Variants in ACADVL observed in about 807,000 individuals in gnomAD.
The protein encoded by ACADVL is very long-chain acyl-CoA dehydrogenase, mitochondrial.
In ACADVL, 73 loss-of-function variants were observed where a neutral mutation model predicts 80.4. That is an observed-to-expected ratio of 0.91 (90% CI 0.75 to 1.10). The LOEUF is 1.10. Among genes scored for constraint, ACADVL ranks in the 50% least tolerant of loss-of-function variants. ACADVL has a pLI of 0.00. For missense variants in ACADVL, 878 were observed against 858.9 expected (o/e 1.02, Z -0.28); for synonymous variants, 392 against 326.5 (o/e 1.20, Z -2.16).
intron 11 of ACADVL, 95 bp downstream of exon 11, chr17:7,223,332 C>A: frequency 8.4e-7 from 1 of 1,189,198 alleles, no homozygotes; most frequent in Non-Finnish European, 1.3e-6. Flanking sequence ...GGCAGTGGGT[C>A]TCCAGCTTTA....
chr17:7,223,385 C>A (rs757362446), intron 11 of ACADVL, 148 bp downstream of exon 11: 39 of 874,084 alleles, frequency 4.5e-5, no homozygotes, highest in Non-Finnish European at 7.5e-5. Context: ...GTCAGCTCAG[C>A]TTCTGCGAAG....
At position 7,222,822 on chromosome 17, in the gene ACADVL, C is replaced by T; in HGVS notation, c.1034C>T (p.Ala345Val). 6.2e-7 allele frequency: 1 copy of T among 1,613,476 alleles called. No homozygotes were observed. The highest frequency in any genetic ancestry group is 8.5e-7 in the Non-Finnish European group (1 of 1,180,002). Residue 345 changes from alanine to valine, a missense_variant, in exon 10 of 20, where the codon GCT becomes GTT. Transcript: ENST00000356839. ...HILNNGRFGM[A>V]AALAGTMRGI... ...CTCAACAATGGAAGGTTTGGCATGG[C>T]TGCGGCCCTGGCAGGTACCATGAGA...
chr17:7,222,456 A>G (rs570101256), intron 9 of ACADVL, 154 bp downstream of exon 9: 13 of 1,307,094 alleles, frequency 9.9e-6, no homozygotes, highest in Middle Eastern at 5.3e-4. Context: ...CAACTGAGCT[A>G]AAGTTTTGGC....
At chr17:7,222,140 C>T (rs1567564307) in intron 8 of ACADVL, 37 bp from the exon 9 acceptor site, 1 of 1,614,178 alleles carries the variant, frequency 6.2e-7, no homozygotes, top group East Asian at 2.2e-5. Context: ...CCACTGCTCC[C>T]CGTCCTCCAC....
At chr17:7,220,250 C>T in intron 2 of ACADVL, 53 bp downstream of exon 2, 3 of 1,508,830 alleles carry the variant, frequency 2.0e-6, no homozygotes, top group Non-Finnish European at 2.7e-6. Flanking sequence ...TCCGCTTCGG[C>T]GCCCGCCATC....
chr17:7,221,543 C>A lies in ACADVL; in HGVS notation c.483C>A (p.Ala161=), dbSNP rs573137772. 9 of 1,614,114 alleles carry A rather than the reference C, an allele frequency of 5.6e-6. 1 individual carries two copies. In the South Asian group the frequency reaches 7.7e-5, roughly 14 times the overall value. ...GATTCCTGCTTCCCCTCCAGTACGC[C>A]CGTTTGGTGGAGATCGTGGGCATGC... ...GGVGLCNTQY[A]RLVEIVGMHD... Residue 161 remains alanine (A), a synonymous_variant, in exon 7 of 20, where the codon GCC becomes GCA. Transcript: ENST00000356839.
rs1211813670 is a variant in ACADVL, at chr17:7,224,345, G to A, written c.1557G>A (p.Leu519=). ...GGCGGGCAGGGCTGGGCAGCGGCCT[G>A]AGTCTCAGCGGACTTGTCCACCCGG... is the stretch of plus-strand genomic sequence containing the variant. ...LRRRAGLGSG[L]SLSGLVHPEL... Residue 519 remains leucine (L), a synonymous_variant, in exon 16 of 20, where the codon CTG becomes CTA. Transcript: ENST00000356839. 6.2e-7 allele frequency: 1 copy of A among 1,613,774 alleles called. No individual in the cohort carries two copies. Among genetic ancestry groups the A allele is most frequent in the African/African-American group, 1.3e-5 (1 of 74,900 alleles).
In ACADVL at chr17:7,224,207, GCCT is replaced by G. The variant is rs762619071; in HGVS notation, c.1500_1502del (p.Leu502del). On this transcript the variant is annotated inframe_deletion, in exon 15 of 20. Coordinates refer to ENST00000356839, the MANE Select transcript of ACADVL (RefSeq NM_000018.4). ...CTAAAGAATCCCTTTGGGAATGCTG[GCCT>G]CCTGCTAGGAGAGGCAGGCAAACAG... The G allele has an allele frequency of 1.1e-5, 18 of 1,613,912 alleles. No individual in the cohort carries two copies. Among genetic ancestry groups the G allele is most frequent in the African/African-American group, 2.7e-5 (2 of 74,916 alleles).
chr17:7,224,626 C>T lies in ACADVL; in HGVS notation c.1679-16C>T, dbSNP rs1436196887. The T allele has an allele frequency of 6.5e-7, 1 of 1,547,986 alleles. No individual in the cohort carries two copies. The highest frequency in any genetic ancestry group is 8.7e-7 in the Non-Finnish European group (1 of 1,148,820). ...CTAATGCCCCCACCCCCACCCCCAC[C>T]CCACCTACCGGACAGATGAACAGTT... On this transcript the variant is annotated splice_polypyrimidine_tract_variant and intron_variant, in intron 17 of 19. Coordinates refer to ENST00000356839, the MANE Select transcript of ACADVL (RefSeq NM_000018.4).
Position 7,224,727 on chromosome 17 carries a change from G to A in ACADVL, c.1751+13G>A. ...TGGTTCTCTCGAGGTGAGGAGGCAGGCAGGGAATGCCTGAGCCGCAGGGGG... is the reference window on the plus strand; with the variant it reads ...TGGTTCTCTCGAGGTGAGGAGGCAGACAGGGAATGCCTGAGCCGCAGGGGG... On this transcript the variant is annotated intron_variant, in intron 18 of 19. Coordinates refer to ENST00000356839, the MANE Select transcript of ACADVL (RefSeq NM_000018.4). 6.2e-7 allele frequency: 1 copy of A among 1,607,826 alleles called. No individual in the cohort carries two copies. Among genetic ancestry groups the A allele is most frequent in the Non-Finnish European group, 8.5e-7 (1 of 1,177,290 alleles).
upstream of ACADVL, chr17:7,217,320 G>T: frequency 1.1e-6 from 1 of 941,344 alleles, no homozygotes; most frequent in Non-Finnish European, 1.4e-6. Context: ...GGAAGGGGAG[G>T]GGAGCGTGGG....
At position 7,224,534 on chromosome 17, in the gene ACADVL, C is replaced by T. The variant is rs749768625; in HGVS notation, c.1660C>T (p.His554Tyr). The T allele has an allele frequency of 6.2e-7, 1 of 1,612,780 alleles. No homozygotes were observed. Among genetic ancestry groups the T allele is most frequent in the Non-Finnish European group, 8.5e-7 (1 of 1,179,970 alleles). ...TGTGGTGGAGGCCAAGCTGATAAAA[C>T]ACAAGAAGGGGATTGTCAGTAAGTG... is the stretch of plus-strand genomic sequence containing the variant. ...ATVVEAKLIK[H>Y]KKGIVNEQFL... Residue 554 changes from histidine to tyrosine, a missense_variant, in exon 17 of 20, where the codon CAC (histidine) becomes TAC (tyrosine). His to Tyr is a moderately conservative substitution (Grantham distance 83). Transcript: ENST00000356839.
chr17:7,217,853 T>G, upstream of ACADVL: 1 of 1,527,126 alleles, frequency 6.5e-7, no homozygotes, highest in Non-Finnish European at 8.8e-7. Context: ...GAAGCATCTA[T>G]AGTTGGGCTG....
Position 7,225,004 on chromosome 17 carries a change from C to G in ACADVL, c.1875C>G (p.Pro625=), listed in dbSNP as rs2071410938. The G allele has an allele frequency of 3.7e-6, 6 of 1,614,160 alleles. No homozygotes were observed. The highest frequency in any genetic ancestry group is 5.1e-6 in the Non-Finnish European group (6 of 1,180,048). ...REGMAALQSD[P]WQQELYRNFK... The stretch of plus-strand genomic sequence containing the variant: ...GCATGGCCGCCCTGCAGTCTGACCC[C>G]TGGCAGCAAGAGCTCTACCGCAACT... The change falls in exon 20 of 20, where the codon CCC becomes CCG. Residue 625 remains proline (P), a synonymous_variant. Coordinates refer to ENST00000356839, the MANE Select transcript of ACADVL (RefSeq NM_000018.4).
At position 7,223,741 on chromosome 17, in the gene ACADVL, A is replaced by AG. The variant is rs2071341157; in HGVS notation, c.1269+13dup. 1.2e-6 allele frequency: 2 copies of AG among 1,614,158 alleles called. No homozygotes were observed. Among genetic ancestry groups the AG allele is most frequent in the Middle Eastern group, 1.6e-4 (1 of 6,062 alleles). On this transcript the variant is annotated intron_variant, in intron 12 of 19. Transcript: ENST00000356839. Reference sequence around the variant, plus strand: ...AAAATCTTTGGCTCGGTGAGGTCCCAGGCATGCTGGGAGGGAGTCCAGTTT... The same window carrying AG: ...AAAATCTTTGGCTCGGTGAGGTCCCAGGGCATGCTGGGAGGGAGTCCAGTTT...
rs2071149098 is a variant in ACADVL at position 7,220,522 on chromosome 17, C to G, written c.197C>G (p.Ala66Gly). 2 of 1,614,232 alleles carry G rather than the reference C, an allele frequency of 1.2e-6. No individual in the cohort carries two copies. The highest frequency in any genetic ancestry group is 1.7e-6 in the Non-Finnish European group (2 of 1,180,046). ...PSDALTRKKP[A>G]KAESKSFAVG... ...GACGCTCTGACCAGGAAAAAACCGG[C>G]CAAGGCGGTAGGTAGCCCCGAGGCC... The change falls in exon 3 of 20, where the codon GCC (alanine) becomes GGC (glycine). Residue 66 changes from alanine (A) to glycine (G), a missense_variant. Physicochemically the swap from Ala to Gly is moderately conservative, Grantham distance 60. Transcript: ENST00000356839.
rs2071160721 is a variant in ACADVL, at chr17:7,220,681, G to A, written c.277+5G>A. On this transcript the variant is annotated splice_donor_5th_base_variant and intron_variant, in intron 4 of 19. Transcript: ENST00000356839. ...AGGTGTTCCCATACCCGTCCGGTAA[G>A]GGAAGGGATAATCAGAGCTGGGTGG... 4 of 1,614,246 alleles carry A rather than the reference G, an allele frequency of 2.5e-6. No homozygotes were observed. Among genetic ancestry groups the A allele is most frequent in the Non-Finnish European group, 2.5e-6 (3 of 1,180,050 alleles).
Position 7,221,630 on chromosome 17 carries a change from G to A in ACADVL, c.570G>A (p.Leu190=), listed in dbSNP as rs1442957624. Residue 190 remains leucine (L), a synonymous_variant, in exon 7 of 20, where the codon CTG becomes CTA. Transcript: ENST00000356839. The stretch of plus-strand genomic sequence containing the variant: ...AGAGCATCGGTTTCAAAGGCATCCT[G>A]CTCTTTGGCACAAAGGCCCAGAAAG... ...AHQSIGFKGI[L]LFGTKAQKEK... is the part of the protein sequence containing the mutation. 6.2e-7 allele frequency: 1 copy of A among 1,614,076 alleles called. No homozygotes were observed.
upstream of ACADVL, chr17:7,219,093 C>T: frequency 1.7e-6 from 1 of 580,916 alleles, no homozygotes; most frequent in Non-Finnish European, 3.0e-6. Flanking sequence ...GGCCTCCTCA[C>T]AGAGGGCTCC....
Sources: allele counts gnomAD v4.1 joint callset, GRCh38; gene constraint gnomAD v4.1.1; transcripts MANE v1.5; gene names NCBI Gene and HGNC (gene_info 2026-07-23, HGNC 2026-07-21).